The following ABCA8 variants were observed in gnomAD, a reference collection of about 807,000 sequenced individuals.
ABCA8 encodes ABC-type organic anion transporter ABCA8.
ABCA8 carries 177 observed loss-of-function variants against 192.3 expected under a neutral mutation model. That is an observed-to-expected ratio of 0.92 (90% confidence interval 0.81 to 1.04). The LOEUF (loss-of-function observed/expected upper bound fraction) is 1.04, where lower values mean the gene tolerates loss of function less well. Among genes scored for constraint, ABCA8 ranks in the 50% least tolerant of loss-of-function variants. The pLI, the probability that ABCA8 is intolerant of heterozygous loss-of-function variation, is 0.00. For synonymous variants in ABCA8, 642 were observed against 690.2 expected (o/e 0.93, Z 1.09); for missense variants, 1,915 against 1,904.8 (o/e 1.01, Z -0.10).
intron 1 of ABCA8, among the ~76,000 whole-genome samples, chr17:68,950,124 T>C (rs1425348471): frequency 6.6e-6 from 1 of 151,888 alleles, no homozygotes; most frequent in Non-Finnish European, 1.5e-5. Flanking sequence ...TGTGCAAAAA[T>C]CACAAGCATT....
At chr17:68,905,039 A>T (rs1055334623) in intron 19 of ABCA8, among the ~76,000 whole-genome samples, 3 of 152,232 alleles carry the variant, frequency 2.0e-5, no homozygotes, top group Admixed American at 6.5e-5. Flanking sequence ...ACCTGATTCT[A>T]CCTTTAAAAC....
intron 29 of ABCA8, among the ~76,000 whole-genome samples, chr17:68,883,532 A>T (rs1461071311): frequency 6.6e-6 from 1 of 152,138 alleles, no homozygotes; most frequent in Non-Finnish European, 1.5e-5. Flanking sequence ...GACCTGCCAC[A>T]TTTAACTTTC....
chr17:68,904,502 A>T (rs753114002), intron 19 of ABCA8, among the ~76,000 whole-genome samples: 6 of 152,060 alleles, frequency 3.9e-5, no homozygotes, highest in Admixed American at 6.6e-5. Context: ...GGGGGAGAAG[A>T]TTCCTGTGGA....
chr17:68,935,267 T>TGTGG (rs2143724447), intron 5 of ABCA8, among the ~76,000 whole-genome samples: 1 of 147,090 alleles, frequency 6.8e-6, no homozygotes, highest in East Asian at 2.0e-4. Context: ...GCTAATTGTG[T>TGTGG]GTGTGTGTGT....
chr17:68,914,529 A>G (rs1445546517), intron 17 of ABCA8, among the ~76,000 whole-genome samples: 2 of 152,142 alleles, frequency 1.3e-5, no homozygotes, highest in East Asian at 3.8e-4. Context: ...AAATCAAGAA[A>G]GTAATCCCAT....
chr17:68,916,360 A>G (rs1462205404), intron 17 of ABCA8, among the ~76,000 whole-genome samples: 1 of 152,176 alleles, frequency 6.6e-6, no homozygotes, highest in African/African-American at 2.4e-5. Flanking sequence ...AACATATATT[A>G]AAACAGCTAA....
chr17:68,929,704 T>A lies in ABCA8; in HGVS notation c.798-2A>T. The A allele has an allele frequency of 2.5e-6, 4 of 1,593,074 alleles. No individual in the cohort carries two copies. Among genetic ancestry groups the A allele is most frequent in the Non-Finnish European group, 3.4e-6 (4 of 1,173,756 alleles). Reference sequence around the variant, plus strand: ...GCATAGAGCAAACCCCAGGAGAGCCTAATGTGGAAACAAAATGTTATTTTA... The same window carrying A: ...GCATAGAGCAAACCCCAGGAGAGCCAAATGTGGAAACAAAATGTTATTTTA... On this transcript the variant is annotated splice_acceptor_variant, in intron 7 of 39. Coordinates refer to ENST00000586539, the MANE Select transcript of ABCA8 (RefSeq NM_001288985.2). LOFTEE classifies it high-confidence loss of function.
chr17:68,910,190 A>G (rs986840199), intron 17 of ABCA8, among the ~76,000 whole-genome samples: 1 of 152,324 alleles, frequency 6.6e-6, no homozygotes, highest in East Asian at 1.9e-4. Flanking sequence ...GAGCAATGAT[A>G]GTGGTTTTAA....
At chr17:68,934,713 T>C (rs1427084572) in intron 5 of ABCA8, among the ~76,000 whole-genome samples, 1 of 152,252 alleles carries the variant, frequency 6.6e-6, no homozygotes, top group South Asian at 2.1e-4. Context: ...TTATAAGTTA[T>C]GTGCACTTCA....
intron 37 of ABCA8, 88 bp downstream of exon 37, chr17:68,875,172 G>T: frequency 6.5e-7 from 1 of 1,542,452 alleles, no homozygotes; most frequent in Non-Finnish European, 8.8e-7. Flanking sequence ...TTTCTTTTAG[G>T]TTTTCCTTTT....
In ABCA8 at chr17:68,877,533, C is replaced by T. The variant is rs764662610; in HGVS notation, c.4185G>A (p.Glu1395=). 8.7e-6 allele frequency: 14 copies of T among 1,613,368 alleles called. No homozygotes were observed. The highest frequency in any genetic ancestry group is 1.2e-5 in the Non-Finnish European group (14 of 1,179,648). The change falls in exon 33 of 40, where the codon GAG becomes GAA. Residue 1395 remains glutamate, a synonymous_variant. Coordinates refer to ENST00000586539, the MANE Select transcript of ABCA8 (RefSeq NM_001288985.2). ...CCTCTGTGTACCGTGTGATGGCAAC[C>T]TCAGCATCCCCTTTCCTCAGCCCTT... The part of the protein sequence containing the change: ...AVKGLRKGDA[E]VAITRLVDAL...
chr17:68,871,872 G>C (rs932040152), intron 37 of ABCA8, among the ~76,000 whole-genome samples: 1 of 151,902 alleles, frequency 6.6e-6, no homozygotes, highest in Non-Finnish European at 1.5e-5. Context: ...ACTTGATAAT[G>C]ATAAATGACT....
chr17:68,884,500 T>G (rs1292615526), intron 27 of ABCA8, 104 bp from the exon 28 acceptor site: 2 of 1,406,270 alleles, frequency 1.4e-6, no homozygotes, highest in South Asian at 1.8e-5. Context: ...CATTTGACCA[T>G]GAATATCACC....
chr17:68,929,113 G>A lies in ABCA8; in HGVS notation c.1061C>T (p.Pro354Leu), dbSNP rs2067784195. Residue 354 changes from proline to leucine, a missense_variant, in exon 9 of 40, where the codon CCT becomes CTT. Transcript: ENST00000586539. ...GCTTAAAATCCACTCCAAGGATGCA[G>A]GAAGGTGTCTGTACAGTGATGTGAA... ...LGFTSLYRHL[P>L]ASLEWILSLL... is the part of the protein sequence containing the mutation. 2 of 1,604,728 alleles carry A rather than the reference G, an allele frequency of 1.2e-6. No individual in the cohort carries two copies. The highest frequency in any genetic ancestry group is 1.7e-6 in the Non-Finnish European group (2 of 1,174,980).
chr17:68,906,069 T>G lies in ABCA8; in HGVS notation c.2373A>C (p.Glu791Asp). Reference protein sequence around the residue: ...TTLNEVFLKLEGKSTINESDI... With the variant: ...TTLNEVFLKLDGKSTINESDI... ...CCGATTCATTAATTGTAGATTTTCC[T>G]TCTAGCTTCAGGAATACTTCATTCA... is the stretch of plus-strand genomic sequence containing the variant. Residue 791 changes from glutamate (E) to aspartate (D), a missense_variant, in exon 19 of 40, where the codon GAA (glutamate) becomes GAC (aspartate). Coordinates refer to ENST00000586539, the MANE Select transcript of ABCA8 (RefSeq NM_001288985.2). The G allele has an allele frequency of 6.3e-7, 1 of 1,595,534 alleles. No individual in the cohort carries two copies. Among genetic ancestry groups the G allele is most frequent in the Non-Finnish European group, 8.5e-7 (1 of 1,172,288 alleles).
At chr17:68,912,903 C>T (rs1023527568) in intron 17 of ABCA8, among the ~76,000 whole-genome samples, 1 of 152,006 alleles carries the variant, frequency 6.6e-6, no homozygotes, top group Admixed American at 6.6e-5. Context: ...CAAATGGACC[C>T]AATAAATATT....
At chr17:68,897,335 G>A (rs1251244387) in intron 21 of ABCA8, among the ~76,000 whole-genome samples, 1 of 152,108 alleles carries the variant, frequency 6.6e-6, no homozygotes, top group East Asian at 1.9e-4. Context: ...ATAAAGCAGG[G>A]GAAATGAGTA....
chr17:68,888,339 G>T (rs577023314), intron 24 of ABCA8, among the ~76,000 whole-genome samples: 55 of 151,780 alleles, frequency 3.6e-4, no homozygotes, highest in African/African-American at 1.3e-3. Flanking sequence ...TAATCAATAG[G>T]TTTGTATATT....
At chr17:68,889,200 A>G (rs1275110851) in intron 24 of ABCA8, among the ~76,000 whole-genome samples, 1 of 152,226 alleles carries the variant, frequency 6.6e-6, no homozygotes, top group Non-Finnish European at 1.5e-5. Flanking sequence ...AAAACGAAAC[A>G]GATGAAGATG....
Sources: allele counts gnomAD v4.1 joint callset (sites outside exome capture counted in the v4.1 genomes callset), GRCh38; gene constraint gnomAD v4.1.1; transcripts MANE v1.5; gene names NCBI Gene and HGNC (gene_info 2026-07-23, HGNC 2026-07-21).